Variants in FAM184A observed in about 807,000 individuals in gnomAD.
FAM184A encodes family with sequence similarity 184 member A.
In FAM184A, 99 loss-of-function variants were observed where a neutral mutation model predicts 143.8. That is an observed-to-expected ratio of 0.69 (90% CI 0.58 to 0.81). The LOEUF (loss-of-function observed/expected upper bound fraction) is 0.81. FAM184A is among the 40% of genes least tolerant of loss of function. The pLI, the probability that FAM184A is intolerant of heterozygous loss-of-function variation, is 0.00. For synonymous variants in FAM184A, 427 were observed against 446.4 expected (o/e 0.96, Z 0.55); for missense variants, 1,217 against 1,310.5 (o/e 0.93, Z 1.10).
intron 1 of FAM184A, among the ~76,000 whole-genome samples, chr6:119,128,313 T>C (rs77078923): frequency 1.3e-5 from 2 of 152,282 alleles, no homozygotes; most frequent in South Asian, 4.2e-4. Flanking sequence ...AATTTTATCA[T>C]AGGGTTTTTA....
chr6:119,096,902 G>A (rs574786743), intron 1 of FAM184A, among the ~76,000 whole-genome samples: 1 of 152,296 alleles, frequency 6.6e-6, no homozygotes, highest in East Asian at 1.9e-4. Context: ...GCCCGTCCAA[G>A]CTCAGAACTT....
At chr6:119,008,461 A>G (rs1367900797) in intron 6 of FAM184A, among the ~76,000 whole-genome samples, 1 of 152,088 alleles carries the variant, frequency 6.6e-6, no homozygotes, top group Non-Finnish European at 1.5e-5. Flanking sequence ...AAGTCAACAC[A>G]AGAACAAACC....
rs115734240 is a variant in FAM184A at position 119,085,445 on chromosome 6, G to A, written c.-201-60632C>T. 3.8e-3 allele frequency among the ~76,000 whole-genome samples: 585 copies of A among 152,170 alleles called. 5 individuals carry two copies. The highest frequency in any genetic ancestry group is 0.013 in the African/African-American group (546 of 41,498). The stretch of plus-strand genomic sequence containing the variant: ...CTCCAGTTTCCAATAATTCCTCATC[G>A]CCTTCTGAGACCTTCTCAGCCTGGA... On this transcript the variant is annotated intron_variant, in intron 1 of 16. Coordinates refer to the FAM184A transcript ENST00000352896.
At chr6:119,061,531 C>CTTTTTTTTTTTTTTTT (rs977029986) in intron 1 of FAM184A, among the ~76,000 whole-genome samples, 10 of 58,530 alleles carry the variant, frequency 1.7e-4, no homozygotes, top group Non-Finnish European at 2.6e-4. Flanking sequence ...AATTATTTTT[C>CTTTTTTTTTTTTTTTT]TTTTTTTTTT....
intron 1 of FAM184A, among the ~76,000 whole-genome samples, chr6:119,107,883 T>A (rs1788830253): frequency 1.3e-5 from 2 of 152,254 alleles, no homozygotes; most frequent in Admixed American, 6.5e-5. Flanking sequence ...ATGCTGTTGC[T>A]GGGCAAGTGT....
At chr6:119,110,855 G>A (rs1037601976) in intron 1 of FAM184A, among the ~76,000 whole-genome samples, 1 of 152,156 alleles carries the variant, frequency 6.6e-6, no homozygotes, top group Non-Finnish European at 1.5e-5. Context: ...TTCTAAAGAG[G>A]CAAAATTTAA....
chr6:119,103,096 A>G (rs1456964338), intron 1 of FAM184A, among the ~76,000 whole-genome samples: 3 of 152,138 alleles, frequency 2.0e-5, no homozygotes, highest in Non-Finnish European at 1.5e-5. Context: ...TTGGTTTATG[A>G]TCATGTGGTT....
At chr6:119,018,170 C>T (rs925727905) in intron 4 of FAM184A, among the ~76,000 whole-genome samples, 2 of 152,010 alleles carry the variant, frequency 1.3e-5, no homozygotes, top group Admixed American at 6.6e-5. Context: ...CTAACTTGGA[C>T]GCGGTGAGAA....
At chr6:119,045,294 T>TTTC (rs1190222951) in intron 1 of FAM184A, among the ~76,000 whole-genome samples, 1 of 151,190 alleles carries the variant, frequency 6.6e-6, no homozygotes, top group East Asian at 1.9e-4. Context: ...TTTCTCAATT[T>TTTC]TTTTTTTTTT....
At chr6:119,133,566 T>G (rs1172099376) in intron 1 of FAM184A, among the ~76,000 whole-genome samples, 1 of 152,062 alleles carries the variant, frequency 6.6e-6, no homozygotes, top group Admixed American at 6.5e-5. Flanking sequence ...TTGCGGTAAG[T>G]TGGGCCTTTG....
At chr6:119,023,342 C>T (rs1785513209) in intron 2 of FAM184A, among the ~76,000 whole-genome samples, 1 of 152,094 alleles carries the variant, frequency 6.6e-6, no homozygotes, top group African/African-American at 2.4e-5. Context: ...TCTAAGCCAA[C>T]AAAACAAAAC....
chr6:119,006,381 G>A (rs1784919526), intron 7 of FAM184A, 66 bp downstream of exon 7: 1 of 1,498,560 alleles, frequency 6.7e-7, no homozygotes, highest in East Asian at 2.3e-5. Flanking sequence ...AATAGCTCTA[G>A]GTCAAATGGC....
chr6:119,083,808 C>G lies in FAM184A; in HGVS notation c.-201-58995G>C, dbSNP rs559807715. On this transcript the variant is annotated intron_variant, in intron 1 of 16. Coordinates refer to the FAM184A transcript ENST00000352896. ...CCACATCTTCTTATCTTCCTCTGAG[C>G]CCTCCAAACTGTTCCAGTTCTGCCT... 2.0e-5 allele frequency among the ~76,000 whole-genome samples: 3 copies of G among 152,286 alleles called. No individual in the cohort carries two copies. In the East Asian group the frequency reaches 5.8e-4, roughly 29 times the overall value.
At chr6:119,068,031 G>GT (rs1370846478) in intron 1 of FAM184A, among the ~76,000 whole-genome samples, 3 of 123,904 alleles carry the variant, frequency 2.4e-5, no homozygotes, top group South Asian at 2.7e-4. Context: ...CTACTTTATT[G>GT]TTTTTTTGTG....
chr6:119,074,793 A>G (rs188006329), intron 1 of FAM184A, among the ~76,000 whole-genome samples: 22 of 152,354 alleles, frequency 1.4e-4, no homozygotes, highest in African/African-American at 5.3e-4. Context: ...GCCATAATGT[A>G]GCTCAAGAAT....
At chr6:119,074,667 T>A (rs1787810481) in intron 1 of FAM184A, among the ~76,000 whole-genome samples, 1 of 152,164 alleles carries the variant, frequency 6.6e-6, no homozygotes, top group Non-Finnish European at 1.5e-5. Flanking sequence ...TCCTGAAAAG[T>A]CAACACAGTG....
intron 1 of FAM184A, among the ~76,000 whole-genome samples, chr6:119,084,356 C>A (rs1788158139): frequency 6.6e-6 from 1 of 152,208 alleles, no homozygotes; most frequent in South Asian, 2.1e-4. Flanking sequence ...AACCCAGTTT[C>A]TTTTGAGTTT....
In FAM184A at chr6:118,962,142, T is replaced by G. The variant is rs1583755028; in HGVS notation, c.3139-179A>C. ...TGGGAATCCTTGGAGGTATTTTTTA[T>G]CTACATGGAATCCTCAAAGACAGAC... On this transcript the variant is annotated intron_variant, in intron 16 of 17. Transcript: ENST00000338891. 4 of 609,706 alleles carry G rather than the reference T, an allele frequency of 6.6e-6. No homozygotes were observed. In the East Asian group the frequency reaches 1.1e-4, roughly 17 times the overall value. 37.8% of individuals were successfully genotyped at this position (609,706 alleles called of 1,614,324 possible). A position where few individuals can be genotyped will look rare whatever the true frequency, so the allele number is the denominator to read the frequency against.
intron 1 of FAM184A, among the ~76,000 whole-genome samples, chr6:119,030,345 C>A (rs1002545293): frequency 6.6e-6 from 1 of 152,032 alleles, no homozygotes; most frequent in Admixed American, 6.5e-5. Context: ...ATATAGTATC[C>A]TCTAATTGTT....
Sources: allele counts gnomAD v4.1 joint callset (sites outside exome capture counted in the v4.1 genomes callset), GRCh38; gene constraint gnomAD v4.1.1; transcripts MANE v1.5; gene names NCBI Gene and HGNC (gene_info 2026-07-23, HGNC 2026-07-21).